Variants in SGSM2 observed in about 807,000 individuals in gnomAD.
SGSM2 encodes the protein small G protein signaling modulator 2.
A neutral mutation model predicts 126.6 loss-of-function variants in SGSM2; 89 were observed. That is an observed-to-expected ratio of 0.70 (90% confidence interval 0.59 to 0.84). SGSM2 has a LOEUF of 0.84. Ranked by LOEUF, SGSM2 falls within the 40% of genes least tolerant of loss-of-function variation. The probability of loss-of-function intolerance (pLI) is 0.00; values close to 1 mark genes in which losing one functional copy is unlikely to be tolerated. For missense variants in SGSM2, 1,404 were observed against 1,416.6 expected, an observed-to-expected ratio of 0.99 and a Z score of 0.14; for synonymous variants, 614 against 574.3, an observed-to-expected ratio of 1.07 and a Z score of -0.99.
At chr17:2,351,763 T>C (rs888197591) in intron 2 of SGSM2, among the ~76,000 whole-genome samples, 37 of 152,194 alleles carry the variant, frequency 2.4e-4, no homozygotes, top group African/African-American at 8.0e-4. Flanking sequence ...TTTCGCCATG[T>C]TGCCCAGGCT....
At chr17:2,358,182 C>A (rs2065158011) in intron 2 of SGSM2, among the ~76,000 whole-genome samples, 1 of 152,192 alleles carries the variant, frequency 6.6e-6, no homozygotes, top group African/African-American at 2.4e-5. Context: ...CTGCTTGGTG[C>A]TCTGGGCCTC....
intron 8 of SGSM2, 63 bp from the exon 9 acceptor site, chr17:2,364,533 C>CAAGG: frequency 3.8e-6 from 6 of 1,567,210 alleles, no homozygotes; most frequent in Non-Finnish European, 5.3e-6. Flanking sequence ...GACCAGGAGA[C>CAAGG]AAGGAAGGAA....
At position 2,362,345 on chromosome 17, in the gene SGSM2, C is replaced by T; in HGVS notation, c.458+75C>T. ...AAAACTGCAGGTGACCGCCCCGTTC[C>T]CCAAAAACTGCAGGTGACCGCCCCG... is the stretch of plus-strand genomic sequence containing the variant. On this transcript the variant is annotated intron_variant, in intron 4 of 23. Coordinates refer to ENST00000268989, the MANE Select transcript of SGSM2 (RefSeq NM_014853.3). The surrounding 1 kb of genome is among the most constrained non-coding windows in gnomAD (Gnocchi z 4.9). 1 of 1,479,298 alleles carries T rather than the reference C, an allele frequency of 6.8e-7. No individual in the cohort carries two copies. The highest frequency in any genetic ancestry group is 9.1e-7 in the Non-Finnish European group (1 of 1,101,666). The allele number at this position is 1,479,298 out of a possible 1,614,324, so 91.6% of individuals were successfully genotyped here.
chr17:2,362,028 A>T lies in SGSM2; in HGVS notation c.297-81A>T, dbSNP rs2065331546. 6.6e-7 allele frequency: 1 copy of T among 1,509,496 alleles called. No individual in the cohort carries two copies. Among genetic ancestry groups the T allele is most frequent in the Non-Finnish European group, 8.9e-7 (1 of 1,123,618 alleles). 93.5% of individuals were successfully genotyped at this position (1,509,496 alleles called of 1,614,324 possible). A position where few individuals can be genotyped will look rare whatever the true frequency, so the allele number is the denominator to read the frequency against. On this transcript the variant is annotated intron_variant, in intron 3 of 23. Coordinates refer to ENST00000268989, the MANE Select transcript of SGSM2 (RefSeq NM_014853.3). The surrounding 1 kb of genome is among the most constrained non-coding windows in gnomAD (Gnocchi z 4.9). ...GTTCTCTGTGCTCCCATCTTGGGGT[A>T]CCAAGCCCCACTCCCAATGCCAGCA...
At chr17:2,350,723 C>T (rs1435529321) in intron 2 of SGSM2, among the ~76,000 whole-genome samples, 2 of 152,138 alleles carry the variant, frequency 1.3e-5, no homozygotes, top group Non-Finnish European at 2.9e-5. Context: ...CTAGACCATC[C>T]CTAGGAACGA....
chr17:2,365,153 G>C, intron 10 of SGSM2, 62 bp from the exon 11 acceptor site: 1 of 1,590,464 alleles, frequency 6.3e-7, no homozygotes, highest in Non-Finnish European at 8.6e-7. Flanking sequence ...GAGCGGCCTT[G>C]TGTGGAACCC....
intron 11 of SGSM2, among the ~76,000 whole-genome samples, chr17:2,366,201 C>T (rs892507221): frequency 1.3e-5 from 2 of 152,122 alleles, no homozygotes; most frequent in Non-Finnish European, 2.9e-5. Flanking sequence ...GGTAGAAAGG[C>T]GGCTTGGCCC....
chr17:2,348,417 C>T (rs994261495), intron 2 of SGSM2, among the ~76,000 whole-genome samples: 2 of 152,160 alleles, frequency 1.3e-5, no homozygotes, highest in South Asian at 2.1e-4. Flanking sequence ...CTCCTCCTTC[C>T]CACCCACAGG....
chr17:2,349,788 G>GATTTT (rs138851417), intron 2 of SGSM2, among the ~76,000 whole-genome samples: 1 of 147,516 alleles, frequency 6.8e-6, no homozygotes, highest in Non-Finnish European at 1.5e-5. Flanking sequence ...CTAGTGAAAT[G>GATTTT]TTTTGTTTTT....
chr17:2,341,210 C>G (rs910886073), intron 1 of SGSM2, among the ~76,000 whole-genome samples: 2 of 150,196 alleles, frequency 1.3e-5, no homozygotes, highest in African/African-American at 2.5e-5. Flanking sequence ...CCTCTGCCTC[C>G]GGGTTCAAGT....
intron 19 of SGSM2, 174 bp from the exon 20 acceptor site, chr17:2,376,559 G>A (rs2066165070): frequency 1.4e-5 from 11 of 760,176 alleles, no homozygotes; most frequent in Non-Finnish European, 2.2e-5. Flanking sequence ...TGCCTTGGGG[G>A]GGACCCGTGG....
At chr17:2,352,321 A>G (rs1255368971) in intron 2 of SGSM2, among the ~76,000 whole-genome samples, 1 of 152,210 alleles carries the variant, frequency 6.6e-6, no homozygotes, top group Non-Finnish European at 1.5e-5. Context: ...CCAAAGCCCC[A>G]GGTCCAGAAT....
intron 2 of SGSM2, among the ~76,000 whole-genome samples, chr17:2,344,392 G>T (rs191201630): frequency 1.3e-5 from 2 of 152,308 alleles, no homozygotes; most frequent in African/African-American, 4.8e-5. Context: ...CCTTCTCTGT[G>T]TTGTATTCCT....
intron 17 of SGSM2, chr17:2,374,677 C>G (rs2066043288): frequency 6.6e-6 from 1 of 152,258 alleles, no homozygotes; most frequent in Non-Finnish European, 1.5e-5. Context: ...CATTCTCCCT[C>G]TCTCTGGCTT....
chr17:2,376,870 G>C, intron 20 of SGSM2, 55 bp downstream of exon 20: 1 of 1,610,692 alleles, frequency 6.2e-7, no homozygotes, highest in East Asian at 2.2e-5. Flanking sequence ...AAGGACGAGA[G>C]GGTGGCCAGG....
chr17:2,365,062 C>T lies in SGSM2; in HGVS notation c.1161+5C>T, dbSNP rs780880634. On this transcript the variant is annotated splice_donor_5th_base_variant and intron_variant, in intron 10 of 23. Coordinates refer to ENST00000268989, the MANE Select transcript of SGSM2 (RefSeq NM_014853.3). ...CTGTGGACCCAGCAAGGGAAGGTAA[C>T]TCGGGTGGGAGGCTTTAGGGGAAGG... The T allele has an allele frequency of 6.2e-7, 1 of 1,611,596 alleles. No individual in the cohort carries two copies.
intron 2 of SGSM2, among the ~76,000 whole-genome samples, chr17:2,352,500 A>T (rs1304646848): frequency 6.6e-6 from 1 of 151,372 alleles, no homozygotes; most frequent in Admixed American, 6.6e-5. Flanking sequence ...CCCATTCCCA[A>T]CTCCGGGCCC....
At position 2,380,001 on chromosome 17, in the gene SGSM2, A is replaced by C. The variant is rs1156404414; in HGVS notation, c.*481A>C. ...GCGTGCACCAGCCCCAGCTGGAGCAACCAAAACTGCTTCTGGTTTAGGCAC... is the reference window on the plus strand; with the variant it reads ...GCGTGCACCAGCCCCAGCTGGAGCACCCAAAACTGCTTCTGGTTTAGGCAC... On this transcript the variant is annotated 3_prime_UTR_variant, in exon 24 of 24. Transcript: ENST00000268989. 12 of 1,387,354 alleles carry C rather than the reference A, an allele frequency of 8.6e-6. No homozygotes were observed. The highest frequency in any genetic ancestry group is 2.7e-5 in the East Asian group (1 of 36,860). 85.9% of individuals were successfully genotyped at this position (1,387,354 alleles called of 1,614,324 possible).
chr17:2,376,110 A>G, intron 18 of SGSM2, 27 bp from the exon 19 acceptor site: 1 of 1,613,740 alleles, frequency 6.2e-7, no homozygotes, highest in Non-Finnish European at 8.5e-7. Flanking sequence ...GCCCGGTCTC[A>G]TGCCTGAGGG....
Sources: allele counts gnomAD v4.1 joint callset (sites outside exome capture counted in the v4.1 genomes callset), GRCh38; gene constraint gnomAD v4.1.1; non-coding constraint Gnocchi (gnomAD v3.1); transcripts MANE v1.5; gene names NCBI Gene and HGNC (gene_info 2026-07-23, HGNC 2026-07-21).